Variants in EPS15 observed in about 807,000 individuals in gnomAD.
EPS15 encodes the protein epidermal growth factor receptor substrate 15.
In EPS15, 72 loss-of-function variants were observed where a neutral mutation model predicts 113.8. That is an observed-to-expected ratio of 0.63 (90% confidence interval 0.52 to 0.77). The LOEUF (loss-of-function observed/expected upper bound fraction) is 0.77, where lower values mean the gene tolerates loss of function less well. Ranked by LOEUF, EPS15 falls within the 30% of genes least tolerant of loss-of-function variation. The probability of loss-of-function intolerance (pLI) is 0.00; values close to 1 mark genes in which losing one functional copy is unlikely to be tolerated. For synonymous variants in EPS15, 344 were observed against 363.4 expected (o/e 0.95, Z 0.61); for missense variants, 1,048 against 1,045.8 (o/e 1.00, Z -0.03).
chr1:51,355,908 T>C lies in EPS15; in HGVS notation c.*792A>G, dbSNP rs1217944942. 1.0e-5 allele frequency: 2 copies of C among 193,712 alleles called. No homozygotes were observed. The allele number at this position is 193,712 out of a possible 1,614,324, so 12.0% of individuals were successfully genotyped here. A position where few individuals can be genotyped will look rare whatever the true frequency, so the allele number is the denominator to read the frequency against. ...ATGGGTATATTTTAGGTGATAAATT[T>C]TCTCCACTATCTATCACTTAAAATG... On this transcript the variant is annotated 3_prime_UTR_variant, in exon 25 of 25. Transcript: ENST00000371733.
intron 21 of EPS15, among the ~76,000 whole-genome samples, chr1:51,389,268 AC>A (rs1373105782): frequency 5.9e-5 from 9 of 151,960 alleles, no homozygotes; most frequent in Middle Eastern, 3.4e-3. Flanking sequence ...AAATTCAACA[AC>A]CCTTCATGCT....
chr1:51,467,969 A>AT (rs960178915), intron 5 of EPS15, among the ~76,000 whole-genome samples: 7 of 150,838 alleles, frequency 4.6e-5, no homozygotes, highest in African/African-American at 1.7e-4. Flanking sequence ...ATATATATAT[A>AT]TTTTTTTAAG....
rs917523874 is a variant in EPS15 at position 51,409,694 on chromosome 1, A to G, written c.1116T>C (p.Asp372=). 3.1e-6 allele frequency: 5 copies of G among 1,595,936 alleles called. No homozygotes were observed. Among genetic ancestry groups the G allele is most frequent in the Non-Finnish European group, 4.3e-6 (5 of 1,170,764 alleles). The change falls in exon 14 of 25, where the codon GAT becomes GAC. Residue 372 remains aspartate (D), a splice_region_variant and synonymous_variant. Coordinates refer to ENST00000371733, the MANE Select transcript of EPS15 (RefSeq NM_001981.3). ...TCTCCCTTTGAACTTCATCTTGAAG[A>G]TCCTAAAATCCAAGAAAATTAATAT... ...TIKQRTSEVQ[D]LQDEVQRENT...
intron 4 of EPS15, among the ~76,000 whole-genome samples, chr1:51,471,354 C>A (rs1227827946): frequency 6.6e-6 from 1 of 152,186 alleles, no homozygotes; most frequent in Non-Finnish European, 1.5e-5. Flanking sequence ...CCTTTCAAAT[C>A]TTCAAATCTA....
intron 2 of EPS15, 118 bp from the exon 3 acceptor site, chr1:51,473,066 T>G: frequency 1.3e-6 from 1 of 740,868 alleles, no homozygotes; most frequent in Non-Finnish European, 2.4e-6. Context: ...GGAATGAGAA[T>G]CCTTTGACTA....
chr1:51,472,984 T>C, intron 2 of EPS15, 36 bp from the exon 3 acceptor site: 1 of 1,512,060 alleles, frequency 6.6e-7, no homozygotes, highest in South Asian at 1.1e-5. Flanking sequence ...GACAACAAAA[T>C]ACAAAAGGCA....
chr1:51,400,699 A>C (rs1648431278), intron 19 of EPS15, among the ~76,000 whole-genome samples: 1 of 148,228 alleles, frequency 6.7e-6, no homozygotes, highest in South Asian at 2.1e-4. Context: ...CCTGTCTCAA[A>C]AACAAAAAAC....
chr1:51,440,311 G>A (rs921606123), intron 12 of EPS15, 36 bp downstream of exon 12: 32 of 744,624 alleles, frequency 4.3e-5, no homozygotes, highest in Non-Finnish European at 5.2e-5. Context: ...GTGTGTGTGT[G>A]TGTATGTGAG....
At chr1:51,440,477 T>C in intron 11 of EPS15, 45 bp from the exon 12 acceptor site, 1 of 931,164 alleles carries the variant, frequency 1.1e-6, no homozygotes, top group Non-Finnish European at 1.6e-6. Context: ...TAAAATTAGG[T>C]AATATAAGAC....
At chr1:51,410,078 A>C (rs1327284081) in intron 13 of EPS15, among the ~76,000 whole-genome samples, 1 of 151,584 alleles carries the variant, frequency 6.6e-6, no homozygotes, top group Non-Finnish European at 1.5e-5. Flanking sequence ...AAAAAAAAAA[A>C]TTTAGCTGGG....
intron 22 of EPS15, among the ~76,000 whole-genome samples, chr1:51,364,514 T>TA (rs55655854): frequency 6.6e-6 from 1 of 151,778 alleles, no homozygotes; most frequent in African/African-American, 2.4e-5. Flanking sequence ...TTTTTTTTTT[T>TA]AATTTAAAAG....
At chr1:51,399,726 G>A (rs1648333976) in intron 19 of EPS15, among the ~76,000 whole-genome samples, 2 of 152,086 alleles carry the variant, frequency 1.3e-5, no homozygotes, top group African/African-American at 4.8e-5. Context: ...AGGCGTGGTG[G>A]TGCGCGCCCG....
chr1:51,358,710 T>G (rs947192862), intron 24 of EPS15, among the ~76,000 whole-genome samples: 8 of 106,620 alleles, frequency 7.5e-5, no homozygotes, highest in East Asian at 2.3e-4. Flanking sequence ...TTTTTTTTTG[T>G]TTTTTTTTTT....
intron 7 of EPS15, among the ~76,000 whole-genome samples, 197 bp from the exon 8 acceptor site, chr1:51,461,347 C>A (rs1298547069): frequency 2.6e-5 from 4 of 151,788 alleles, no homozygotes; most frequent in Non-Finnish European, 5.9e-5. Context: ...GAGATCCCAT[C>A]TCTACAAAAG....
intron 21 of EPS15, 43 bp from the exon 22 acceptor site, chr1:51,366,072 ATTT>A: frequency 6.8e-6 from 8 of 1,178,218 alleles, no homozygotes; most frequent in Admixed American, 4.5e-5. Context: ...ACAGTAAGAC[ATTT>A]TTTTTTTTTG....
chr1:51,514,251 A>T (rs1370106257), intron 1 of EPS15, among the ~76,000 whole-genome samples: 2 of 152,170 alleles, frequency 1.3e-5, no homozygotes, highest in Non-Finnish European at 2.9e-5. Flanking sequence ...CCAGCATATG[A>T]ATTTGCCTAA....
At chr1:51,414,831 C>T (rs1650061817) in intron 13 of EPS15, among the ~76,000 whole-genome samples, 1 of 152,090 alleles carries the variant, frequency 6.6e-6, no homozygotes, top group Non-Finnish European at 1.5e-5. Flanking sequence ...AAGCTGAATA[C>T]AGAGGCATAT....
chr1:51,499,431 A>G (rs1644377297), intron 1 of EPS15, among the ~76,000 whole-genome samples: 1 of 152,180 alleles, frequency 6.6e-6, no homozygotes, highest in African/African-American at 2.4e-5. Context: ...GCTGCTATAA[A>G]CATTACTGTA....
chr1:51,506,796 A>C (rs1382157166), intron 1 of EPS15, among the ~76,000 whole-genome samples: 4 of 152,142 alleles, frequency 2.6e-5, no homozygotes, highest in Non-Finnish European at 4.4e-5. Flanking sequence ...GAAAAAAAAA[A>C]AAAAACAGAA....
Sources: gnomAD v4.1 joint callset for allele counts (sites outside exome capture counted in the v4.1 genomes callset) on GRCh38, gnomAD v4.1.1 for gene constraint, MANE v1.5 for transcripts, NCBI Gene and HGNC (gene_info 2026-07-23, HGNC 2026-07-21) for gene names.